The following KCNQ2 variants were observed in gnomAD, a reference collection of about 807,000 sequenced individuals.
KCNQ2 encodes potassium voltage-gated channel subfamily KQT member 2.
KCNQ2 carries 14 observed loss-of-function variants against 84.8 expected under a neutral mutation model. That is an observed-to-expected ratio of 0.17 (90% CI 0.11 to 0.26). KCNQ2 has a LOEUF of 0.26. KCNQ2 is among the 10% of genes least tolerant of loss of function. The pLI, the probability that KCNQ2 is intolerant of heterozygous loss-of-function variation, is 1.00. For missense variants in KCNQ2, 788 were observed against 1,254.0 expected (o/e 0.63, Z 5.61); for synonymous variants, 599 against 554.1 (o/e 1.08, Z -1.14).
In KCNQ2 at chr20:63,414,465, A is replaced by G. The variant is rs182110183; in HGVS notation, c.1526-272T>C. Among the ~76,000 whole-genome samples, 3 of 152,226 alleles carry G rather than the reference A, an allele frequency of 2.0e-5. No homozygotes were observed. Among genetic ancestry groups the G allele is most frequent in the African/African-American group, 7.2e-5 (3 of 41,564 alleles). On this transcript the variant is annotated intron_variant, in intron 13 of 16. Transcript: ENST00000359125. This position sits in a 1 kb window ranked among gnomAD's most constrained non-coding sequence, Gnocchi z 6.6. ...CCAATGGATGAACAGAACATGGCGC[A>G]TCCACGCACAGATGTTAACGGCGGA...
chr20:63,448,179 A>G (rs1427541631), intron 1 of KCNQ2: 1 of 152,296 alleles, frequency 6.6e-6, no homozygotes, highest in Non-Finnish European at 1.5e-5. Context: ...CACTGAATGC[A>G]CACCAGAGAG....
chr20:63,436,800 G>A (rs1469711193), intron 7 of KCNQ2, among the ~76,000 whole-genome samples: 8 of 125,142 alleles, frequency 6.4e-5, no homozygotes, highest in Non-Finnish European at 9.6e-5. Context: ...TTTTTGAGAC[G>A]GAGTCTCGGG....
rs757187562 is a variant in KCNQ2 at position 63,446,813 on chromosome 20, G to A, written c.321C>T (p.Leu107=). 25 of 1,613,416 alleles carry A rather than the reference G, an allele frequency of 1.5e-5. No homozygotes were observed. The highest frequency in any genetic ancestry group is 2.2e-5 in the East Asian group (1 of 44,882). ...TGATGGTGGAAAACACAGACAGCAC[G>A]AGGCAGGAGAAAACCAGGAGGAACC... The part of the protein sequence containing the change: ...AYVFLLVFSC[L]VLSVFSTIKE... Residue 107 remains leucine, a synonymous_variant, in exon 2 of 17, where the codon CTC becomes CTT. Coordinates refer to ENST00000359125, the MANE Select transcript of KCNQ2 (RefSeq NM_172107.4). The surrounding 1 kb of genome is among the most constrained non-coding windows in gnomAD (Gnocchi z 5.5).
intron 15 of KCNQ2, among the ~76,000 whole-genome samples, chr20:63,411,558 C>T (rs1328616872): frequency 6.6e-6 from 1 of 152,200 alleles, no homozygotes; most frequent in East Asian, 1.9e-4. Flanking sequence ...TCGAGAGGAG[C>T]AGTGGGGCCC....
chr20:63,434,990 C>T (rs1193195645), intron 7 of KCNQ2, among the ~76,000 whole-genome samples: 1 of 152,222 alleles, frequency 6.6e-6, no homozygotes, highest in Admixed American at 6.5e-5. Context: ...TCCACGTTTA[C>T]GAACTTTCTG....
rs1185253320 is a variant in KCNQ2, at chr20:63,407,717, G to A, written c.1888-342C>T. 6.6e-6 allele frequency among the ~76,000 whole-genome samples: 1 copy of A among 151,512 alleles called. No individual in the cohort carries two copies. The highest frequency in any genetic ancestry group is 2.4e-5 in the African/African-American group (1 of 41,180). Reference sequence around the variant, plus strand: ...CACTCCCAGGAAGTCGGTCGACTTGGGCTGGTCCCAGGAGGTGGGGGGACC... The same window carrying A: ...CACTCCCAGGAAGTCGGTCGACTTGAGCTGGTCCCAGGAGGTGGGGGGACC... On this transcript the variant is annotated intron_variant, in intron 16 of 16. Transcript: ENST00000359125. The surrounding 1 kb of genome is among the most constrained non-coding windows in gnomAD (Gnocchi z 7.2).
rs769767997 is a variant in KCNQ2 at position 63,445,335 on chromosome 20, C to T, written c.417G>A (p.Val139=). ...CGGCCCAGATCCGCACGAAGTACTC[C>T]ACGCCAAACACCACGATAGTCACGA... ...LEIVTIVVFG[V]EYFVRIWAAG... Residue 139 remains valine, a synonymous_variant, in exon 3 of 17, where the codon GTG becomes GTA. Transcript: ENST00000359125. The T allele has an allele frequency of 6.2e-6, 10 of 1,613,754 alleles. No individual in the cohort carries two copies. The highest frequency in any genetic ancestry group is 1.7e-5 in the Admixed American group (1 of 60,004).
chr20:63,419,736 A>C, intron 11 of KCNQ2, 64 bp from the exon 12 acceptor site: 2 of 1,454,062 alleles, frequency 1.4e-6, no homozygotes, highest in Non-Finnish European at 1.9e-6. Context: ...GGGAGCAGGG[A>C]AACTGAGGCA....
At chr20:63,456,276 A>G (rs2081793834) in intron 1 of KCNQ2, among the ~76,000 whole-genome samples, 1 of 152,126 alleles carries the variant, frequency 6.6e-6, no homozygotes, top group Non-Finnish European at 1.5e-5. Flanking sequence ...AGCATGACAC[A>G]GACGCCGCCA....
Position 63,430,178 on chromosome 20 carries a change from G to A in KCNQ2, c.1148+1162C>T, listed in dbSNP as rs1446765862. Among the ~76,000 whole-genome samples the A allele has an allele frequency of 1.1e-4, 16 of 152,170 alleles. 1 individual carries two copies. Among genetic ancestry groups the A allele is most frequent in the Non-Finnish European group, 1.8e-4 (12 of 68,018 alleles). On this transcript the variant is annotated intron_variant, in intron 9 of 16. Transcript: ENST00000359125. The stretch of plus-strand genomic sequence containing the variant: ...AGCAGCAGCGCCAGGGCAGACAGGC[G>A]GGCGGCAGGGCCAGGGCAGGACGGA...
chr20:63,442,890 T>TCAC (rs1568935057), intron 4 of KCNQ2, among the ~76,000 whole-genome samples: 1 of 6,266 alleles, frequency 1.6e-4, no homozygotes, highest in Non-Finnish European at 3.1e-4. Flanking sequence ...ACCACCACCA[T>TCAC]CACCACCATC....
intron 1 of KCNQ2, 46 bp downstream of exon 1, chr20:63,472,122 G>A: frequency 2.2e-6 from 3 of 1,366,198 alleles, no homozygotes; most frequent in Non-Finnish European, 1.9e-6. Flanking sequence ...GGTCGCCGAT[G>A]GGGGTCGCCA....
rs771679143 is a variant in KCNQ2, at chr20:63,407,154, C to A, written c.2109G>T (p.Ala703=). 6 of 1,587,026 alleles carry A rather than the reference C, an allele frequency of 3.8e-6. No individual in the cohort carries two copies. In the South Asian group the frequency reaches 5.6e-5, roughly 15 times the overall value. ...SSSTGQKNFS[A]PPAAPPVQCP... ...ACTGGACAGGGGGCGCGGCCGGGGG[C>A]GCCGAGAAGTTCTTCTGGCCCGTGG... The change falls in exon 17 of 17, where the codon GCG becomes GCT. Residue 703 remains alanine, a synonymous_variant. Transcript: ENST00000359125. This position sits in a 1 kb window ranked among gnomAD's most constrained non-coding sequence, Gnocchi z 7.2.
intron 6 of KCNQ2, 70 bp downstream of exon 6, chr20:63,439,528 G>T: frequency 1.7e-6 from 2 of 1,150,038 alleles, no homozygotes; most frequent in Non-Finnish European, 2.6e-6. Context: ...GTGCCCAGGG[G>T]CCTGTGGTCA....
intron 5 of KCNQ2, among the ~76,000 whole-genome samples, chr20:63,440,640 C>G (rs1045355005): frequency 6.6e-6 from 1 of 152,176 alleles, no homozygotes; most frequent in African/African-American, 2.4e-5. Context: ...GGGGAGACCT[C>G]TCACCAGGAC....
intron 1 of KCNQ2, among the ~76,000 whole-genome samples, chr20:63,458,257 G>GT (rs2081857008): frequency 6.6e-6 from 1 of 152,142 alleles, no homozygotes; most frequent in South Asian, 2.1e-4. Context: ...CCAGAAGCAT[G>GT]TGGAGAAGCT....
chr20:63,435,010 C>A (rs1399615980), intron 7 of KCNQ2, among the ~76,000 whole-genome samples: 1 of 152,164 alleles, frequency 6.6e-6, no homozygotes, highest in African/African-American at 2.4e-5. Context: ...GAGAAACAAC[C>A]GAACTGCTTT....
At position 63,425,715 on chromosome 20, in the gene KCNQ2, G is replaced by C. The variant is rs768920823; in HGVS notation, c.1218-1509C>G. On this transcript the variant is annotated intron_variant, in intron 10 of 16. Coordinates refer to ENST00000359125, the MANE Select transcript of KCNQ2 (RefSeq NM_172107.4). The surrounding 1 kb of genome is among the most constrained non-coding windows in gnomAD (Gnocchi z 5.5). Reference sequence around the variant, plus strand: ...AGCCTGAGTGACGCAGGGAGACTCCGTCTCAGAGAAAAAAAAAAGAAATCC... The same window carrying C: ...AGCCTGAGTGACGCAGGGAGACTCCCTCTCAGAGAAAAAAAAAAGAAATCC... Among the ~76,000 whole-genome samples the C allele has an allele frequency of 6.6e-6, 1 of 151,788 alleles. No individual in the cohort carries two copies. Among genetic ancestry groups the C allele is most frequent in the Non-Finnish European group, 1.5e-5 (1 of 67,958 alleles).
rs1451896808 is a variant in KCNQ2, at chr20:63,446,914, C to T, written c.297-77G>A. 4.7e-6 allele frequency: 6 copies of T among 1,272,698 alleles called. No homozygotes were observed. The highest frequency in any genetic ancestry group is 1.7e-5 in the Admixed American group (1 of 59,484). 78.8% of individuals were successfully genotyped at this position (1,272,698 alleles called of 1,614,324 possible). ...TGGCTGTGTCTCCAGAACTCAGGAC[C>T]CCACTCCCCACCAGGCCGCAGCAGG... On this transcript the variant is annotated intron_variant, in intron 1 of 16. Coordinates refer to ENST00000359125, the MANE Select transcript of KCNQ2 (RefSeq NM_172107.4). The surrounding 1 kb of genome is among the most constrained non-coding windows in gnomAD (Gnocchi z 5.5).
Sources: gnomAD v4.1 joint callset for allele counts (sites outside exome capture counted in the v4.1 genomes callset) on GRCh38, gnomAD v4.1.1 for gene constraint, Gnocchi (gnomAD v3.1) non-coding constraint, MANE v1.5 for transcripts, NCBI Gene and HGNC (gene_info 2026-07-23, HGNC 2026-07-21) for gene names.